PRMT3: variants seen among roughly 807,000 people sequenced by gnomAD.
PRMT3 encodes protein arginine methyltransferase 3.
PRMT3 carries 62 observed loss-of-function variants against 71.9 expected under a neutral mutation model. The observed-to-expected ratio is 0.86, with a 90% CI of 0.70 to 1.07. The LOEUF is 1.07. PRMT3 is among the 50% of genes least tolerant of loss of function. The pLI is 0.00. For missense variants in PRMT3, 663 were observed against 643.0 expected (o/e 1.03, Z -0.34); for synonymous variants, 213 against 220.4 (o/e 0.97, Z 0.30).
chr11:20,399,532 T>A (rs999660713), intron 7 of PRMT3, among the ~76,000 whole-genome samples: 6 of 152,208 alleles, frequency 3.9e-5, no homozygotes, highest in South Asian at 4.1e-4. Flanking sequence ...TTAATTTTTT[T>A]ATGTTTAGAG....
Position 20,485,595 on chromosome 11 carries a change from A to G in PRMT3, c.1348-8324A>G, listed in dbSNP as rs1240628416. 2.0e-5 allele frequency among the ~76,000 whole-genome samples: 3 copies of G among 151,440 alleles called. No homozygotes were observed. The East Asian group carries it at 5.8e-4, about 29-fold the overall frequency. Reference sequence around the variant, plus strand: ...AGATCTTCATGTATTAGTGTAGAGAAGATCTGCGAACTGGATTTTAGGGCA... The same window carrying G: ...AGATCTTCATGTATTAGTGTAGAGAGGATCTGCGAACTGGATTTTAGGGCA... On this transcript the variant is annotated intron_variant, in intron 13 of 15. Coordinates refer to ENST00000331079, the MANE Select transcript of PRMT3 (RefSeq NM_005788.4).
chr11:20,444,493 G>A (rs531853230), intron 10 of PRMT3, among the ~76,000 whole-genome samples: 1 of 152,166 alleles, frequency 6.6e-6, no homozygotes, highest in Non-Finnish European at 1.5e-5. Flanking sequence ...ATACACCCTT[G>A]TGATTTCTGC....
At chr11:20,453,602 T>G (rs2133389343) in intron 11 of PRMT3, among the ~76,000 whole-genome samples, 1 of 152,244 alleles carries the variant, frequency 6.6e-6, no homozygotes, top group South Asian at 2.1e-4. Flanking sequence ...ATGTGCCCAT[T>G]TTATCACTTT....
chr11:20,492,140 G>A lies in PRMT3; in HGVS notation c.1348-1779G>A, dbSNP rs535374178. Among the ~76,000 whole-genome samples the A allele has an allele frequency of 6.6e-5, 10 of 152,180 alleles. No individual in the cohort carries two copies. The South Asian group carries it at 1.0e-3, about 16-fold the overall frequency. ...ATAAGGCAAACTGTAATATACTATCGTAACTAACATAACAGAATGTATAAT... is the reference window on the plus strand; with the variant it reads ...ATAAGGCAAACTGTAATATACTATCATAACTAACATAACAGAATGTATAAT... On this transcript the variant is annotated intron_variant, in intron 13 of 15. Transcript: ENST00000331079.
chr11:20,403,358 G>A (rs1004007169), intron 8 of PRMT3, among the ~76,000 whole-genome samples: 6 of 152,074 alleles, frequency 3.9e-5, no homozygotes, highest in Admixed American at 1.3e-4. Flanking sequence ...TATTACTCTA[G>A]TTTGTGTTAA....
intron 10 of PRMT3, among the ~76,000 whole-genome samples, chr11:20,434,540 G>C (rs770354268): frequency 6.6e-6 from 1 of 152,080 alleles, no homozygotes; most frequent in Middle Eastern, 3.2e-3. Flanking sequence ...CCCATCTTGA[G>C]TTGAAAGGAA....
In PRMT3 at chr11:20,426,826, TC is replaced by T; in HGVS notation, c.956del (p.Pro319LeufsTer2). On this transcript the variant is annotated frameshift_variant, in exon 10 of 16. Transcript: ENST00000331079. LOFTEE classifies it high-confidence loss of function. ...AAGGAAAGATTGAAGAAGTTCATCT[TC>T]CTGTAGAAAAAGTAGATGTTATCAT... ...IKGKIEEVHL[P>X]VEKVDVIISE... 3.9e-6 allele frequency: 6 copies of T among 1,529,304 alleles called. No individual in the cohort carries two copies. In the South Asian group the frequency reaches 8.0e-5, roughly 20 times the overall value. 94.7% of individuals were successfully genotyped at this position (1,529,304 alleles called of 1,614,324 possible).
chr11:20,476,132 C>T (rs1850777627), intron 13 of PRMT3, among the ~76,000 whole-genome samples: 1 of 151,656 alleles, frequency 6.6e-6, no homozygotes, highest in African/African-American at 2.4e-5. Context: ...AGTGGATCAC[C>T]TCAGGTCAAG....
At chr11:20,438,356 C>A (rs1226550865) in intron 10 of PRMT3, among the ~76,000 whole-genome samples, 7 of 151,826 alleles carry the variant, frequency 4.6e-5, no homozygotes, top group African/African-American at 1.7e-4. Context: ...CTCTGTGAGG[C>A]TGGGTGCAGC....
intron 9 of PRMT3, among the ~76,000 whole-genome samples, chr11:20,422,508 A>G (rs1174440952): frequency 6.6e-6 from 1 of 152,096 alleles, no homozygotes; most frequent in African/African-American, 2.4e-5. Flanking sequence ...TTTATTAGAA[A>G]CTAGTAACAG....
At position 20,387,892 on chromosome 11, in the gene PRMT3, A is replaced by T. The variant is rs745850283; in HGVS notation, c.28+118A>T. 4 of 1,547,232 alleles carry T rather than the reference A, an allele frequency of 2.6e-6. No individual in the cohort carries two copies. The highest frequency in any genetic ancestry group is 1.4e-5 in the African/African-American group (1 of 73,422). On this transcript the variant is annotated intron_variant, in intron 1 of 15. Transcript: ENST00000331079. The surrounding 1 kb of genome is among the most constrained non-coding windows in gnomAD (Gnocchi z 4.3). ...GCAGGGTGGGGGGCTCGCAGGGATCATGAAGGAGGTGCTGAGTGAGGGCCG... is the reference window on the plus strand; with the variant it reads ...GCAGGGTGGGGGGCTCGCAGGGATCTTGAAGGAGGTGCTGAGTGAGGGCCG...
At chr11:20,504,785 G>A (rs996130759) in intron 15 of PRMT3, among the ~76,000 whole-genome samples, 1 of 151,352 alleles carries the variant, frequency 6.6e-6, no homozygotes, top group Non-Finnish European at 1.5e-5. Context: ...CCAGGCTGGA[G>A]TGCAGTGGCA....
At chr11:20,432,457 C>G (rs1849674073) in intron 10 of PRMT3, among the ~76,000 whole-genome samples, 1 of 152,022 alleles carries the variant, frequency 6.6e-6, no homozygotes, top group Non-Finnish European at 1.5e-5. Context: ...GTCCATTCAA[C>G]TCTTAATAGA....
chr11:20,394,629 T>C (rs896822740), intron 5 of PRMT3, among the ~76,000 whole-genome samples: 3 of 152,220 alleles, frequency 2.0e-5, no homozygotes, highest in Non-Finnish European at 4.4e-5. Context: ...AGATCTATTG[T>C]CTGCAAATTT....
intron 13 of PRMT3, among the ~76,000 whole-genome samples, chr11:20,493,617 A>C (rs1851261741): frequency 6.6e-6 from 1 of 151,464 alleles, no homozygotes; most frequent in Non-Finnish European, 1.5e-5. Context: ...GTGAGGGGCC[A>C]GCTGAGTCTC....
chr11:20,414,041 C>T (rs755975419), intron 9 of PRMT3, among the ~76,000 whole-genome samples: 6 of 152,084 alleles, frequency 3.9e-5, no homozygotes, highest in African/African-American at 9.7e-5. Flanking sequence ...CCTTCAAACA[C>T]GTGCAACTTA....
intron 11 of PRMT3, among the ~76,000 whole-genome samples, chr11:20,459,167 G>A (rs1433703081): frequency 6.6e-6 from 1 of 152,144 alleles, no homozygotes; most frequent in East Asian, 1.9e-4. Flanking sequence ...GCAGCAGGCT[G>A]GATTTGACTA....
intron 11 of PRMT3, among the ~76,000 whole-genome samples, chr11:20,456,937 G>A (rs1349575933): frequency 3.3e-5 from 5 of 151,958 alleles, no homozygotes; most frequent in South Asian, 2.1e-4. Context: ...GCAGTGGCAC[G>A]ATCTTGGCTC....
chr11:20,393,549 C>T (rs1222926561), intron 5 of PRMT3, among the ~76,000 whole-genome samples: 2 of 152,244 alleles, frequency 1.3e-5, no homozygotes, highest in Middle Eastern at 3.4e-3. Context: ...AGTAATTCTT[C>T]TCTGCCCGAA....
Sources: allele counts gnomAD v4.1 joint callset (sites outside exome capture counted in the v4.1 genomes callset), GRCh38; gene constraint gnomAD v4.1.1; non-coding constraint Gnocchi (gnomAD v3.1); transcripts MANE v1.5; gene names NCBI Gene and HGNC (gene_info 2026-07-23, HGNC 2026-07-21).